Variants in AGL observed in about 807,000 individuals in gnomAD.
AGL encodes the protein glycogen debranching enzyme.
In AGL, 128 loss-of-function variants were observed where a neutral mutation model predicts 199.3. That is an observed-to-expected ratio of 0.64 (90% confidence interval 0.56 to 0.74). AGL has a LOEUF of 0.74. Ranked by LOEUF, AGL falls within the 30% of genes least tolerant of loss-of-function variation. The pLI, the probability that AGL is intolerant of heterozygous loss-of-function variation, is 0.00. For missense variants in AGL, 1,809 were observed against 1,820.8 expected (o/e 0.99, Z 0.12); for synonymous variants, 584 against 594.7 (o/e 0.98, Z 0.26).
chr1:99,881,648 G>C lies in AGL; in HGVS notation c.2265G>C (p.Lys755Asn). 2.5e-6 allele frequency: 4 copies of C among 1,613,890 alleles called. No individual in the cohort carries two copies. Among genetic ancestry groups the C allele is most frequent in the East Asian group, 2.2e-5 (1 of 44,856 alleles). The part of the protein sequence containing the change: ...AVSRTAFRNP[K>N]TSFYSKEVPQ... Reference sequence around the variant, plus strand: ...CTAGAACTGCTTTCAGGAATCCCAAGACTTCATTTTACAGCAAGGAAGTGC... The same window carrying C: ...CTAGAACTGCTTTCAGGAATCCCAACACTTCATTTTACAGCAAGGAAGTGC... Residue 755 changes from lysine (K) to asparagine (N), a missense_variant, in exon 17 of 34, where the codon AAG (lysine) becomes AAC (asparagine). Coordinates refer to ENST00000361915, the MANE Select transcript of AGL (RefSeq NM_000642.3).
chr1:99,850,943 T>TTTCGATATTTTAACTCCCC, intron 1 of AGL, 32 bp from the exon 2 acceptor site: 2 of 992,516 alleles, frequency 2.0e-6, no homozygotes, highest in Non-Finnish European at 3.2e-6. Flanking sequence ...CAATAGTTAT[T>TTTCGATATTTTAACTCCCC]TTCGATATTT....
At chr1:99,903,020 T>C (rs140012919) in intron 27 of AGL, among the ~76,000 whole-genome samples, 1 of 152,368 alleles carries the variant, frequency 6.6e-6, no homozygotes, top group East Asian at 1.9e-4. Flanking sequence ...CATTTATAAC[T>C]ATAATAATCG....
chr1:99,852,536 A>ATTTT (rs58176899), intron 2 of AGL: 183 of 477,542 alleles, frequency 3.8e-4, no homozygotes, highest in South Asian at 7.0e-4. Context: ...TGCCCCGCTA[A>ATTTT]TTTTTTTTTT....
rs764746505 is a variant in AGL at position 99,913,578 on chromosome 1, A to G, written c.4001A>G (p.Asn1334Ser). The G allele has an allele frequency of 6.8e-6, 11 of 1,614,062 alleles. No homozygotes were observed. Among genetic ancestry groups the G allele is most frequent in the South Asian group, 2.2e-5 (2 of 91,086 alleles). ...GAGTGGAACAGAAAAATACAAGACA[A>G]CTTTGAAAAGCTATTTCATGTTTCC... is the stretch of plus-strand genomic sequence containing the variant. ...YDEWNRKIQD[N>S]FEKLFHVSED... Residue 1334 changes from asparagine (N) to serine (S), a missense_variant, in exon 30 of 34, where the codon AAC becomes AGC. Physicochemically the swap from Asn to Ser is conservative, Grantham distance 46 (BLOSUM62 1). Transcript: ENST00000361915.
chr1:99,889,477 C>T (rs903520639), intron 21 of AGL, among the ~76,000 whole-genome samples: 6 of 151,996 alleles, frequency 3.9e-5, no homozygotes, highest in African/African-American at 1.4e-4. Flanking sequence ...TTTGGGAGGC[C>T]ACAGCAGGAG....
rs1653930726 is a variant in AGL, at chr1:99,902,631, A to G, written c.3589-52A>G. On this transcript the variant is annotated intron_variant, in intron 26 of 33. Transcript: ENST00000361915. Reference sequence around the variant, plus strand: ...CTTCAGTTGTCGGATTTGGGGGAAAATAAGAAAAATGTAATTTCTAACAGA... The same window carrying G: ...CTTCAGTTGTCGGATTTGGGGGAAAGTAAGAAAAATGTAATTTCTAACAGA... 14 of 1,404,782 alleles carry G rather than the reference A, an allele frequency of 1.0e-5. 1 individual carries two copies. In the South Asian group the frequency reaches 1.5e-4, roughly 15 times the overall value. The allele number at this position is 1,404,782 out of a possible 1,614,324, so 87.0% of individuals were successfully genotyped here. A position where few individuals can be genotyped will look rare whatever the true frequency, so the allele number is the denominator to read the frequency against.
chr1:99,881,353 A>G lies in AGL; in HGVS notation c.2063A>G (p.Asn688Ser). The G allele has an allele frequency of 6.2e-7, 1 of 1,614,164 alleles. No individual in the cohort carries two copies. The highest frequency in any genetic ancestry group is 1.7e-5 in the Admixed American group (1 of 60,014). ...TKWNPEALPSNTGEVNFQSGI... is the reference protein window; with the variant it reads ...TKWNPEALPSSTGEVNFQSGI... ...TGGAATCCTGAAGCATTGCCTTCAAACACAGGTGAAGTTAATTTCCAAAGC... is the reference window on the plus strand; with the variant it reads ...TGGAATCCTGAAGCATTGCCTTCAAGCACAGGTGAAGTTAATTTCCAAAGC... Residue 688 changes from asparagine (N) to serine (S), a missense_variant, in exon 16 of 34, where the codon AAC becomes AGC. Physicochemically the swap from Asn to Ser is conservative, Grantham distance 46. Coordinates refer to ENST00000361915, the MANE Select transcript of AGL (RefSeq NM_000642.3).
chr1:99,915,628 G>T, intron 31 of AGL, 142 bp downstream of exon 31: 1 of 692,894 alleles, frequency 1.4e-6, no homozygotes. Context: ...AAAATTAGTT[G>T]GGAGAGATTG....
chr1:99,864,637 C>T (rs1256063876), intron 5 of AGL, 48 bp downstream of exon 5: 1 of 1,448,822 alleles, frequency 6.9e-7, no homozygotes, highest in African/African-American at 1.4e-5. Context: ...AGAATTTATG[C>T]ACACACACAT....
chr1:99,897,412 T>A (rs1336261557), intron 25 of AGL, among the ~76,000 whole-genome samples: 4 of 152,184 alleles, frequency 2.6e-5, no homozygotes, highest in African/African-American at 9.7e-5. Context: ...GATAAAACTT[T>A]CAGCAAAAGG....
intron 28 of AGL, 59 bp from the exon 29 acceptor site, chr1:99,912,345 CT>C: frequency 7.7e-7 from 1 of 1,297,744 alleles, no homozygotes; most frequent in Non-Finnish European, 1.1e-6. Context: ...ACCGAATGCC[CT>C]TTAAATAGTA....
At position 99,905,874 on chromosome 1, in the gene AGL, C is replaced by G. The variant is rs185273327; in HGVS notation, c.3700+3080C>G. Among the ~76,000 whole-genome samples, 12 of 152,288 alleles carry G rather than the reference C, an allele frequency of 7.9e-5. No homozygotes were observed. The East Asian group carries it at 2.1e-3, about 27-fold the overall frequency. On this transcript the variant is annotated intron_variant, in intron 27 of 33. Transcript: ENST00000361915. ...GGGATTACAGGGATGAGCCACTGAG[C>G]TCAATCTCTTTTGTCCGTTTTATAA...
chr1:99,912,468 A>T lies in AGL; in HGVS notation c.3900A>T (p.Leu1300Phe). The change falls in exon 29 of 34, where the codon TTA becomes TTT. Residue 1300 changes from leucine (L) to phenylalanine (F), a missense_variant. Physicochemically the swap from Leu to Phe is conservative, Grantham distance 22. Coordinates refer to ENST00000361915, the MANE Select transcript of AGL (RefSeq NM_000642.3). Reference protein sequence around the residue: ...SKSAVRWLLELSKKNIFPYHE... With the variant: ...SKSAVRWLLEFSKKNIFPYHE... ...CTGCTGTTCGCTGGTTGCTGGAATT[A>T]TCCAAAAAAAATATTTTCCCTTATC... 6.2e-7 allele frequency: 1 copy of T among 1,614,056 alleles called. No homozygotes were observed. Among genetic ancestry groups the T allele is most frequent in the Non-Finnish European group, 8.5e-7 (1 of 1,179,980 alleles).
intron 25 of AGL, among the ~76,000 whole-genome samples, chr1:99,898,132 C>T (rs1018802633): frequency 2.6e-5 from 4 of 151,724 alleles, no homozygotes; most frequent in Admixed American, 6.6e-5. Context: ...CTGCAAGCTC[C>T]GCCTCCCGGG....
At chr1:99,849,899 G>C (rs1648790909), upstream of AGL, among the ~76,000 whole-genome samples, 1 of 152,236 alleles carries the variant, frequency 6.6e-6, no homozygotes, top group Non-Finnish European at 1.5e-5. Flanking sequence ...ATGTGCAACT[G>C]TGAGCTCGCA....
intron 7 of AGL, among the ~76,000 whole-genome samples, chr1:99,871,962 TA>T (rs1428431554): frequency 1.3e-5 from 2 of 151,812 alleles, no homozygotes; most frequent in Non-Finnish European, 1.5e-5. Flanking sequence ...TAATTTTATA[TA>T]ATTCTATATA....
intron 25 of AGL, among the ~76,000 whole-genome samples, chr1:99,900,192 A>T (rs1281236903): frequency 1.3e-5 from 2 of 152,052 alleles, no homozygotes; most frequent in African/African-American, 4.8e-5. Context: ...GGCCTCCCAA[A>T]ATGCTGAGAT....
intron 4 of AGL, among the ~76,000 whole-genome samples, chr1:99,863,349 CTT>C (rs558638045): frequency 2.0e-5 from 3 of 152,062 alleles, no homozygotes; most frequent in Non-Finnish European, 2.9e-5. Flanking sequence ...ATTTCTAAGA[CTT>C]TACCATATAA....
intron 2 of AGL, among the ~76,000 whole-genome samples, chr1:99,860,253 G>A (rs903184671): frequency 2.6e-4 from 40 of 151,310 alleles, no homozygotes; most frequent in Admixed American, 6.6e-5. Context: ...AATAAGTCAA[G>A]GATTATAAAT....
Sources: gnomAD v4.1 joint callset for allele counts (sites outside exome capture counted in the v4.1 genomes callset) on GRCh38, gnomAD v4.1.1 for gene constraint, MANE v1.5 for transcripts, NCBI Gene and HGNC (gene_info 2026-07-23, HGNC 2026-07-21) for gene names.